Variants in DRC11 observed in about 807,000 individuals in gnomAD.
DRC11 encodes the protein dynein regulatory complex subunit 11, also known as IQ and AAA domain-containing protein 1.
chr2:236,441,072 C>G, the DRC11 span: 7,977 of 1,560,762 alleles, frequency 5.1e-3, 25 homozygotes, highest in Non-Finnish European at 6.3e-3. Context: ...AAAATAATAG[C>G]TGACCCTCCT....
At chr2:236,414,087 A>G in the DRC11 span, among the ~76,000 whole-genome samples, 18 of 152,204 alleles carry the variant, frequency 1.2e-4, no homozygotes, top group Non-Finnish European at 2.6e-4. Context: ...CTCAAAAGAA[A>G]GACTATTTTT....
At chr2:236,343,864 A>G in the DRC11 span, 1 of 639,494 alleles carries the variant, frequency 1.6e-6, no homozygotes, top group South Asian at 1.5e-5. The surrounding 1 kb of genome is among the most constrained non-coding windows in gnomAD (Gnocchi z 6.6). Context: ...TTGAGCTTCC[A>G]CTCTTTATCC....
chr2:236,313,459 A>C, the DRC11 span, among the ~76,000 whole-genome samples: 1 of 152,200 alleles, frequency 6.6e-6, no homozygotes, highest in Admixed American at 6.5e-5. This position sits in a 1 kb window ranked among gnomAD's most constrained non-coding sequence, Gnocchi z 4.5. Flanking sequence ...GCAGTTGGGA[A>C]TGTAAAATGG....
At chr2:236,451,957 GT>G in the DRC11 span, among the ~76,000 whole-genome samples, 1 of 152,178 alleles carries the variant, frequency 6.6e-6, no homozygotes, top group East Asian at 1.9e-4. Context: ...ACAATTTCCA[GT>G]TCCTTTCAGC....
At chr2:236,385,119 G>T in the DRC11 span, among the ~76,000 whole-genome samples, 2 of 151,872 alleles carry the variant, frequency 1.3e-5, no homozygotes, top group African/African-American at 4.8e-5. Flanking sequence ...TGTTCTTTTG[G>T]CTTAGGATTG....
chr2:236,457,447 G>T, the DRC11 span, among the ~76,000 whole-genome samples: 2 of 152,146 alleles, frequency 1.3e-5, no homozygotes, highest in Admixed American at 1.3e-4. This position sits in a 1 kb window ranked among gnomAD's most constrained non-coding sequence, Gnocchi z 4.7. Flanking sequence ...CATTATGAAC[G>T]CTATTCATGA....
At chr2:236,419,060 G>A in the DRC11 span, 4 of 1,445,136 alleles carry the variant, frequency 2.8e-6, no homozygotes, top group Non-Finnish European at 3.6e-6. This position sits in a 1 kb window ranked among gnomAD's most constrained non-coding sequence, Gnocchi z 4.8. Context: ...ACTCCCAACA[G>A]ATTTGTAAAT....
chr2:236,416,721 TTATATATATATATATATATATATA>T, the DRC11 span, among the ~76,000 whole-genome samples: 176 of 64,246 alleles, frequency 2.7e-3, 9 homozygotes, highest in African/African-American at 7.5e-3. Flanking sequence ...ATATATATAT[TTATATATATATATATATATATATA>T]TATATATATA....
At chr2:236,432,256 G>GT in the DRC11 span, among the ~76,000 whole-genome samples, 1 of 152,050 alleles carries the variant, frequency 6.6e-6, no homozygotes. Flanking sequence ...TCTTTTGCCT[G>GT]TTTTTTGACT....
At chr2:236,357,673 T>C in the DRC11 span, among the ~76,000 whole-genome samples, 230 of 125,154 alleles carry the variant, frequency 1.8e-3, 2 homozygotes, top group African/African-American at 7.0e-3. Flanking sequence ...AATACATAAA[T>C]ATATATTTAC....
chr2:236,365,209 T>C, the DRC11 span, among the ~76,000 whole-genome samples: 1 of 151,218 alleles, frequency 6.6e-6, no homozygotes, highest in African/African-American at 2.4e-5. The surrounding 1 kb of genome is among the most constrained non-coding windows in gnomAD (Gnocchi z 7.4). Context: ...CTGTGGAGAG[T>C]TCAGGCCAGG....
chr2:236,426,627 G>A, the DRC11 span, among the ~76,000 whole-genome samples: 5 of 151,994 alleles, frequency 3.3e-5, no homozygotes, highest in African/African-American at 7.3e-5. The surrounding 1 kb of genome is among the most constrained non-coding windows in gnomAD (Gnocchi z 4.1). Context: ...GGCTCTTCTC[G>A]AAAACCTGTG....
chr2:236,457,184 A>G, the DRC11 span, among the ~76,000 whole-genome samples: 27,397 of 152,248 alleles, frequency 0.18, 2,814 homozygotes, highest in Middle Eastern at 0.27. This position sits in a 1 kb window ranked among gnomAD's most constrained non-coding sequence, Gnocchi z 4.7. Flanking sequence ...AAGTGTACCC[A>G]TGACTGCTTT....
chr2:236,484,917 T>C, the DRC11 span, among the ~76,000 whole-genome samples: 1 of 152,246 alleles, frequency 6.6e-6, no homozygotes, highest in African/African-American at 2.4e-5. Flanking sequence ...TGAGGGTTCT[T>C]CCTGCCTTAT....
At chr2:236,453,711 C>T in the DRC11 span, among the ~76,000 whole-genome samples, 12 of 152,194 alleles carry the variant, frequency 7.9e-5, no homozygotes, top group East Asian at 1.9e-4. The surrounding 1 kb of genome is among the most constrained non-coding windows in gnomAD (Gnocchi z 4.9). Flanking sequence ...GCAATCTCAG[C>T]TCACTGCAAC....
chr2:236,329,259 C>A, the DRC11 span, among the ~76,000 whole-genome samples: 8 of 152,150 alleles, frequency 5.3e-5, no homozygotes, highest in South Asian at 4.1e-4. Context: ...CCCCCTGTGC[C>A]GTGTAACCTC....
the DRC11 span, chr2:236,419,185 G>T: frequency 1.3e-6 from 2 of 1,534,070 alleles, no homozygotes; most frequent in East Asian, 2.5e-5. The surrounding 1 kb of genome is among the most constrained non-coding windows in gnomAD (Gnocchi z 4.8). Context: ...TTTGTTTTTT[G>T]GCTTTCTTGG....
At chr2:236,385,059 T>C in the DRC11 span, among the ~76,000 whole-genome samples, 2,838 of 151,910 alleles carry the variant, frequency 0.019, 98 homozygotes, top group African/African-American at 0.065. Context: ...TTTTGGTTAC[T>C]GTAGCCTTGT....
At chr2:236,498,327 T>C in the DRC11 span, among the ~76,000 whole-genome samples, 1 of 150,690 alleles carries the variant, frequency 6.6e-6, no homozygotes, top group African/African-American at 2.4e-5. Context: ...TAGCCAGGCA[T>C]AGTGGCGCCC....
Sources: gnomAD v4.1 joint callset for allele counts (sites outside exome capture counted in the v4.1 genomes callset) on GRCh38, gnomAD v4.1.1 for gene constraint, Gnocchi (gnomAD v3.1) non-coding constraint, MANE v1.5 for transcripts, NCBI Gene and HGNC (gene_info 2026-07-23, HGNC 2026-07-21) for gene names.